The following AKIP1 variants were observed in gnomAD, a reference collection of about 807,000 sequenced individuals.
AKIP1 encodes A-kinase interacting protein 1.
A neutral mutation model predicts 22.3 loss-of-function variants in AKIP1; 18 were observed. That is an observed-to-expected ratio of 0.81 (90% CI 0.56 to 1.19). AKIP1 has a LOEUF of 1.19. Among genes scored for constraint, AKIP1 ranks in the 50% most tolerant of loss-of-function variants. The pLI is 0.00. For synonymous variants in AKIP1, 120 were observed against 102.7 expected (o/e 1.17, Z -1.02); for missense variants, 287 against 264.6 (o/e 1.08, Z -0.59).
Position 8,919,869 on chromosome 11 carries a change from C to G in AKIP1, c.*389C>G, listed in dbSNP as rs551101048. 5.9e-4 allele frequency: 104 copies of G among 176,136 alleles called. No homozygotes were observed. The highest frequency in any genetic ancestry group is 1.1e-3 in the Non-Finnish European group (94 of 82,506). The allele number at this position is 176,136 out of a possible 1,614,324, so 10.9% of individuals were successfully genotyped here. A position where few individuals can be genotyped will look rare whatever the true frequency, so the allele number is the denominator to read the frequency against. On this transcript the variant is annotated 3_prime_UTR_variant, in exon 6 of 6. Coordinates refer to ENST00000309377, the MANE Select transcript of AKIP1 (RefSeq NM_020642.4). Reference sequence around the variant, plus strand: ...GGCCAGGATGGTCTCGATCTCTTGACCTCGTGATCCACCCACCTTGGCCTC... The same window carrying G: ...GGCCAGGATGGTCTCGATCTCTTGAGCTCGTGATCCACCCACCTTGGCCTC...
rs1049319322 is a variant in AKIP1 at position 8,914,881 on chromosome 11, A to G, written c.359A>G (p.His120Arg). Reference protein sequence around the residue: ...EGGATHVYRYHRGESKLHMCL... With the variant: ...EGGATHVYRYRRGESKLHMCL... Reference sequence around the variant, plus strand: ...GGGGCAACCCATGTCTATCGTTATCACAGAGGCGAGTCGAAGCTGCACATG... The same window carrying G: ...GGGGCAACCCATGTCTATCGTTATCGCAGAGGCGAGTCGAAGCTGCACATG... Residue 120 changes from histidine to arginine, a missense_variant, in exon 4 of 6, where the codon CAC becomes CGC. Physicochemically the swap from His to Arg is conservative, Grantham distance 29. Transcript: ENST00000309377. 7 of 1,613,932 alleles carry G rather than the reference A, an allele frequency of 4.3e-6. No homozygotes were observed. The highest frequency in any genetic ancestry group is 5.9e-6 in the Non-Finnish European group (7 of 1,180,006).
intron 5 of AKIP1, among the ~76,000 whole-genome samples, chr11:8,918,702 CTGAT>C (rs1422259787): frequency 6.6e-6 from 1 of 152,208 alleles, no homozygotes; most frequent in Non-Finnish European, 1.5e-5. Flanking sequence ...CCTTGGAAGA[CTGAT>C]TGTGCTCAGT....
rs748073384 is a variant in AKIP1, at chr11:8,919,599, C to T, written c.*119C>T. ...TTTAGTGCTGACTGGGTCAGCCTTC[C>T]GGGAACTGGAGTCTGTCTCTTTCAG... On this transcript the variant is annotated 3_prime_UTR_variant, in exon 6 of 6. Coordinates refer to ENST00000309377, the MANE Select transcript of AKIP1 (RefSeq NM_020642.4). 5.4e-5 allele frequency: 61 copies of T among 1,137,282 alleles called. No homozygotes were observed. Among genetic ancestry groups the T allele is most frequent in the Non-Finnish European group, 5.0e-5 (40 of 796,478 alleles). The allele number at this position is 1,137,282 out of a possible 1,614,324, so 70.4% of individuals were successfully genotyped here.
In AKIP1 at chr11:8,911,229, G is replaced by A; in HGVS notation, c.-7+6G>A. The stretch of plus-strand genomic sequence containing the variant: ...CGCCTTGACGAGTGAGCCGGGTGAG[G>A]GGGCTCCCTAAGTAGCGGAAGGGGT... On this transcript the variant is annotated splice_donor_region_variant and intron_variant, in intron 1 of 5. Coordinates refer to ENST00000309377, the MANE Select transcript of AKIP1 (RefSeq NM_020642.4). 1 of 562,970 alleles carries A rather than the reference G, an allele frequency of 1.8e-6. No homozygotes were observed. Among genetic ancestry groups the A allele is most frequent in the Non-Finnish European group, 3.1e-6 (1 of 317,844 alleles). 34.9% of individuals were successfully genotyped at this position (562,970 alleles called of 1,614,324 possible).
intron 4 of AKIP1, among the ~76,000 whole-genome samples, chr11:8,915,563 A>C (rs1370432330): frequency 1.3e-5 from 2 of 149,140 alleles, no homozygotes; most frequent in African/African-American, 4.9e-5. Context: ...GGGTTTTGCT[A>C]TGTTGCCCAG....
chr11:8,911,744 A>G (rs2064357769), intron 2 of AKIP1, 73 bp downstream of exon 2: 2 of 1,394,786 alleles, frequency 1.4e-6, no homozygotes, highest in African/African-American at 1.5e-5. Flanking sequence ...AGGGGTGCGC[A>G]GCGCAGAAGC....
intron 5 of AKIP1, among the ~76,000 whole-genome samples, chr11:8,918,508 G>A (rs1217541679): frequency 3.3e-5 from 5 of 152,144 alleles, no homozygotes. Context: ...TAGTGGAATC[G>A]ACAACTTCTG....
chr11:8,914,535 T>G (rs901985719), intron 3 of AKIP1, among the ~76,000 whole-genome samples: 1 of 152,174 alleles, frequency 6.6e-6, no homozygotes, highest in Non-Finnish European at 1.5e-5. Context: ...GATGTGAAAT[T>G]TGTTTAACCT....
At chr11:8,915,100 A>C (rs1484910531) in intron 4 of AKIP1, among the ~76,000 whole-genome samples, 170 bp downstream of exon 4, 1 of 152,204 alleles carries the variant, frequency 6.6e-6, no homozygotes, top group African/African-American at 2.4e-5. Context: ...ACAGCAATGA[A>C]CATGAAATAG....
At chr11:8,917,415 C>G in intron 5 of AKIP1, 48 bp downstream of exon 5, 7 of 1,386,706 alleles carry the variant, frequency 5.0e-6, no homozygotes, top group Non-Finnish European at 7.2e-6. Context: ...CGTTGCAACT[C>G]CATGAACCAG....
rs771033387 is a variant in AKIP1, at chr11:8,914,874, C to G, written c.352C>G (p.Arg118Gly). The stretch of plus-strand genomic sequence containing the variant: ...GGAAGGAGGGGCAACCCATGTCTAT[C>G]GTTATCACAGAGGCGAGTCGAAGCT... ...PEEGGATHVY[R>G]YHRGESKLHM... The change falls in exon 4 of 6, where the codon CGT becomes GGT. Residue 118 changes from arginine (R) to glycine (G), a missense_variant. Transcript: ENST00000309377. 24 of 1,613,852 alleles carry G rather than the reference C, an allele frequency of 1.5e-5. No homozygotes were observed. In the Admixed American group the frequency reaches 1.7e-4, roughly 11 times the overall value.
intron 4 of AKIP1, among the ~76,000 whole-genome samples, chr11:8,916,496 A>G (rs2064488041): frequency 6.6e-6 from 1 of 152,176 alleles, no homozygotes; most frequent in South Asian, 2.1e-4. Flanking sequence ...AACCTACCCT[A>G]CTTGTACTCA....
chr11:8,917,367 T>C lies in AKIP1; in HGVS notation c.489T>C (p.Pro163=). 2 of 1,612,976 alleles carry C rather than the reference T, an allele frequency of 1.2e-6. No homozygotes were observed. The highest frequency in any genetic ancestry group is 1.7e-6 in the Non-Finnish European group (2 of 1,179,266). The change falls in exon 5 of 6, where the codon CCT becomes CCC. Residue 163 remains proline, a splice_region_variant and synonymous_variant. Coordinates refer to ENST00000309377, the MANE Select transcript of AKIP1 (RefSeq NM_020642.4). ...ISEHAPEASQ[P]AENISKDLYI... is the part of the protein sequence containing the mutation. ...AGCATGCTCCAGAGGCATCCCAGCC[T>C]GTGAGTACGGAACTGCTTACGCACT...
At position 8,914,960 on chromosome 11, in the gene AKIP1, C is replaced by T. The variant is rs73410030; in HGVS notation, c.408+30C>T. On this transcript the variant is annotated intron_variant, in intron 4 of 5. Transcript: ENST00000309377. ...GTGTACTCAACTGTCCTGCACCATG[C>T]CTTCAGTCTACCAAGATATGACACC... is the stretch of plus-strand genomic sequence containing the variant. 1.6e-5 allele frequency: 25 copies of T among 1,547,004 alleles called. No homozygotes were observed. The African/African-American group carries it at 2.7e-4, about 17-fold the overall frequency.
Position 8,918,670 on chromosome 11 carries a change from A to C in AKIP1, c.490-667A>C, listed in dbSNP as rs370177396. 6.2e-3 allele frequency among the ~76,000 whole-genome samples: 944 copies of C among 152,286 alleles called. 8 individuals carry two copies. The highest frequency in any genetic ancestry group is 0.012 in the Non-Finnish European group (791 of 68,010). On this transcript the variant is annotated intron_variant, in intron 5 of 5. Transcript: ENST00000309377. ...TCTGCCTGCACACCTGATGTAATCT[A>C]CCAGCCATGAGTGAAGTCTACCCTT...
In AKIP1 at chr11:8,911,723, C is replaced by G. The variant is rs1167161437; in HGVS notation, c.222+52C>G. On this transcript the variant is annotated intron_variant, in intron 2 of 5. Transcript: ENST00000309377. ...CCCAGTCCTTCGCGCCGCGGTAGCC[C>G]GCTGGGAGCCAGGGGTGCGCAGCGC... 2.8e-6 allele frequency: 4 copies of G among 1,447,672 alleles called. No individual in the cohort carries two copies. The African/African-American group carries it at 5.7e-5, about 21-fold the overall frequency. The allele number at this position is 1,447,672 out of a possible 1,614,324, so 89.7% of individuals were successfully genotyped here.
At chr11:8,919,278 G>A (rs2064537140) in intron 5 of AKIP1, 59 bp from the exon 6 acceptor site, 15 of 1,532,282 alleles carry the variant, frequency 9.8e-6, no homozygotes, top group Non-Finnish European at 1.3e-5. Flanking sequence ...CTGCTGGGGG[G>A]CCATGGTGGC....
chr11:8,917,417 A>G (rs1406150705), intron 5 of AKIP1, 50 bp downstream of exon 5: 11 of 1,377,234 alleles, frequency 8.0e-6, no homozygotes, highest in East Asian at 2.3e-5. Context: ...TTGCAACTCC[A>G]TGAACCAGTT....
At chr11:8,917,534 G>A (rs1396208287) in intron 5 of AKIP1, 167 bp downstream of exon 5, 1 of 622,670 alleles carries the variant, frequency 1.6e-6, no homozygotes, top group Non-Finnish European at 2.9e-6. Flanking sequence ...TGTAAAATTA[G>A]GTTTTCTTGG....
Sources: allele counts gnomAD v4.1 joint callset (sites outside exome capture counted in the v4.1 genomes callset), GRCh38; gene constraint gnomAD v4.1.1; transcripts MANE v1.5; gene names NCBI Gene and HGNC (gene_info 2026-07-23, HGNC 2026-07-21).